Variants in ABR observed in about 807,000 individuals in gnomAD.
ABR encodes the protein active breakpoint cluster region-related protein.
ABR carries 35 observed loss-of-function variants against 107.2 expected under a neutral mutation model. That is an observed-to-expected ratio of 0.33 (90% CI 0.25 to 0.43). The LOEUF is 0.43. Among genes scored for constraint, ABR ranks in the 20% least tolerant of loss-of-function variants. The pLI is 1.00. For synonymous variants in ABR, 498 were observed against 462.0 expected, an observed-to-expected ratio of 1.08 and a Z score of -1.00; for missense variants, 815 against 1,115.2, an observed-to-expected ratio of 0.73 and a Z score of 3.83.
intron 1 of ABR, among the ~76,000 whole-genome samples, chr17:1,140,092 C>T (rs751016336): frequency 1.3e-5 from 2 of 152,178 alleles, no homozygotes; most frequent in Non-Finnish European, 2.9e-5. Context: ...TTCAGGAAAA[C>T]GAAGCTGACT....
intron 9 of ABR, among the ~76,000 whole-genome samples, chr17:1,068,479 G>A (rs1195033546): frequency 6.6e-6 from 1 of 152,206 alleles, no homozygotes; most frequent in Non-Finnish European, 1.5e-5. Context: ...GCTGAAGGGA[G>A]AGGCAAGATA....
intron 1 of ABR, among the ~76,000 whole-genome samples, chr17:1,198,182 C>T (rs372224883): frequency 4.6e-5 from 7 of 151,710 alleles, no homozygotes; most frequent in African/African-American, 1.5e-4. Context: ...CTGTCTGCTC[C>T]CCCTCCCAGA....
chr17:1,218,710 CA>C (rs1223176272), intron 1 of ABR, among the ~76,000 whole-genome samples: 1 of 152,184 alleles, frequency 6.6e-6, no homozygotes, highest in Non-Finnish European at 1.5e-5. Context: ...CCCCAAATTA[CA>C]AATGGACGAT....
At position 1,112,644 on chromosome 17, in the gene ABR, G is replaced by A. The variant is rs1374179719; in HGVS notation, c.247-11909C>T. Among the ~76,000 whole-genome samples, 5 of 83,414 alleles carry A rather than the reference G, an allele frequency of 6.0e-5. No individual in the cohort carries two copies. In the East Asian group the frequency reaches 1.8e-3, roughly 30 times the overall value. 54.7% of individuals were successfully genotyped at this position (83,414 alleles called of 152,430 possible). A position where few individuals can be genotyped will look rare whatever the true frequency, so the allele number is the denominator to read the frequency against. On this transcript the variant is annotated intron_variant, in intron 2 of 22. Transcript: ENST00000302538. ...GGAAGGAAGGAAGAGAGGAAGGAAG[G>A]CAGGTTAAGAAGCGCTGCTTGCTAG... is the stretch of plus-strand genomic sequence containing the variant.
At chr17:1,008,252 G>C (rs1413974194) in intron 21 of ABR, among the ~76,000 whole-genome samples, 1 of 152,220 alleles carries the variant, frequency 6.6e-6, no homozygotes, top group African/African-American at 2.4e-5. Context: ...ATATCAGAGG[G>C]CCTCTGGTTC....
At chr17:1,143,253 A>G (rs111164742) in intron 1 of ABR, among the ~76,000 whole-genome samples, 1 of 14,874 alleles carries the variant, frequency 6.7e-5, no homozygotes, top group African/African-American at 3.5e-4. Context: ...GGGACAGCTC[A>G]TTCCTGGGGG....
rs539785257 is a variant in ABR, at chr17:1,200,146, A to G, written c.838+28647T>C. Among the ~76,000 whole-genome samples the G allele has an allele frequency of 4.1e-4, 63 of 152,096 alleles. No individual in the cohort carries two copies. The highest frequency in any genetic ancestry group is 1.5e-3 in the African/African-American group (61 of 41,524). On this transcript the variant is annotated intron_variant, in intron 1 of 22. Transcript: ENST00000574139. The surrounding 1 kb of genome is among the most constrained non-coding windows in gnomAD (Gnocchi z 4.1). ...ATCAAAAATATTTGGGAGGAAAACA[A>G]TTAAAAAAAAACACCACAAAAATAA...
rs187076725 is a variant in ABR at position 1,100,183 on chromosome 17, G to A, written c.345+454C>T. ...CCTCCCACCTCATATTTCCTGACAC[G>A]GGGCCTCAGGATGGCACTAACGGTT... On this transcript the variant is annotated intron_variant, in intron 3 of 22. Transcript: ENST00000302538. Among the ~76,000 whole-genome samples, 401 of 151,596 alleles carry A rather than the reference G, an allele frequency of 2.6e-3. 5 individuals carry two copies. The highest frequency in any genetic ancestry group is 2.6e-3 in the Non-Finnish European group (175 of 67,912).
Position 1,058,923 on chromosome 17 carries a change from C to G in ABR, c.1183-56G>C. 4.4e-6 allele frequency: 7 copies of G among 1,604,026 alleles called. No homozygotes were observed. The South Asian group carries it at 7.8e-5, about 18-fold the overall frequency. On this transcript the variant is annotated intron_variant, in intron 10 of 22. Transcript: ENST00000302538. ...CTCACACTCGGGCCTTTCTCACGAG[C>G]AGCACTAAGCACGACACTCCACTGT...
rs2042059893 is a variant in ABR at position 1,179,790 on chromosome 17, GCGGGCGGGAGC to G, written c.-74_-64del. ...CTCATCGCGCAACAAAGGAGGGAGA[GCGGGCGGGAGC>G]CGGGGGAGGCCGAAGTTGCGAGCGC... is the stretch of plus-strand genomic sequence containing the variant. On this transcript the variant is annotated 5_prime_UTR_variant, in exon 1 of 23. Coordinates refer to ENST00000302538, the MANE Select transcript of ABR (RefSeq NM_021962.5). The surrounding 1 kb of genome is among the most constrained non-coding windows in gnomAD (Gnocchi z 4.9). 3 of 1,284,596 alleles carry G rather than the reference GCGGGCGGGAGC, an allele frequency of 2.3e-6. No homozygotes were observed. Among genetic ancestry groups the G allele is most frequent in the South Asian group, 3.2e-5 (2 of 62,136 alleles). The allele number at this position is 1,284,596 out of a possible 1,614,324, so 79.6% of individuals were successfully genotyped here.
upstream of ABR, among the ~76,000 whole-genome samples, chr17:1,180,030 C>CT (rs1270438066): frequency 2.0e-3 from 106 of 53,998 alleles, 3 homozygotes; most frequent in Admixed American, 4.9e-3. Context: ...TGGGGCGGGG[C>CT]TTTGGTGCGG....
chr17:1,120,653 C>T (rs1597889419), intron 2 of ABR, among the ~76,000 whole-genome samples: 1 of 152,156 alleles, frequency 6.6e-6, no homozygotes, highest in African/African-American at 2.4e-5. Context: ...TCCCCTGTTT[C>T]GATTTTACAT....
At chr17:1,045,237 TC>T (rs1440089901) in intron 16 of ABR, among the ~76,000 whole-genome samples, 3 of 152,236 alleles carry the variant, frequency 2.0e-5, no homozygotes, top group Non-Finnish European at 4.4e-5. Flanking sequence ...GGCTTCCAAA[TC>T]GCTCTCGTTC....
intron 1 of ABR, among the ~76,000 whole-genome samples, chr17:1,138,995 T>C (rs2040187385): frequency 6.6e-6 from 1 of 152,228 alleles, no homozygotes; most frequent in Admixed American, 6.5e-5. Context: ...ATATAGTGCA[T>C]AACTTGTGGC....
chr17:1,054,499 G>A (rs1359785237), intron 14 of ABR, among the ~76,000 whole-genome samples: 1 of 147,744 alleles, frequency 6.8e-6, no homozygotes, highest in African/African-American at 2.6e-5. Flanking sequence ...AACCTCAAAG[G>A]GATGGGGATA....
At position 1,003,824 on chromosome 17, in the gene ABR, C is replaced by A. The variant is rs983866130; in HGVS notation, c.*2256G>T. Reference sequence around the variant, plus strand: ...ACTGGAGGTTCCAGGCTGCACAGTCCCTGGCTCCTGACTCCTGCCGGGCGC... The same window carrying A: ...ACTGGAGGTTCCAGGCTGCACAGTCACTGGCTCCTGACTCCTGCCGGGCGC... On this transcript the variant is annotated 3_prime_UTR_variant, in exon 23 of 23. Coordinates refer to ENST00000302538, the MANE Select transcript of ABR (RefSeq NM_021962.5). 6.6e-6 allele frequency: 1 copy of A among 152,344 alleles called. No homozygotes were observed. Among genetic ancestry groups the A allele is most frequent in the Non-Finnish European group, 1.5e-5 (1 of 68,088 alleles). 9.4% of individuals were successfully genotyped at this position (152,344 alleles called of 1,614,324 possible).
intron 1 of ABR, among the ~76,000 whole-genome samples, chr17:1,138,063 G>A (rs538462880): frequency 4.4e-4 from 67 of 151,518 alleles, no homozygotes; most frequent in Non-Finnish European, 9.1e-4. Flanking sequence ...ACCAACACCC[G>A]GCTAATTTTT....
At chr17:1,221,366 T>C (rs1473811526) in intron 1 of ABR, among the ~76,000 whole-genome samples, 1 of 152,194 alleles carries the variant, frequency 6.6e-6, no homozygotes, top group Non-Finnish European at 1.5e-5. Context: ...AATTCCTGCC[T>C]GAAATGTGAA....
chr17:1,026,242 C>T (rs57027712), intron 16 of ABR, among the ~76,000 whole-genome samples: 6,079 of 152,286 alleles, frequency 0.04, 351 homozygotes, highest in African/African-American at 0.13. Context: ...CAGACTGAGA[C>T]GAGAAAAATG....
Sources: allele counts gnomAD v4.1 joint callset (sites outside exome capture counted in the v4.1 genomes callset), GRCh38; gene constraint gnomAD v4.1.1; non-coding constraint Gnocchi (gnomAD v3.1); transcripts MANE v1.5; gene names NCBI Gene and HGNC (gene_info 2026-07-23, HGNC 2026-07-21).